The following SINHCAF variants were observed in gnomAD, a reference collection of about 807,000 sequenced individuals.
SINHCAF encodes SIN3-HDAC complex-associated factor.
Under a neutral mutation model 25.8 loss-of-function variants are expected in SINHCAF, and 3 were observed. The ratio of observed to expected loss-of-function variants is 0.12; its 90% CI spans 0.05 to 0.30. The LOEUF (loss-of-function observed/expected upper bound fraction) is 0.30, where lower values mean the gene tolerates loss of function less well. Ranked by LOEUF, SINHCAF falls within the 10% of genes least tolerant of loss-of-function variation. SINHCAF has a pLI of 1.00. For missense variants in SINHCAF, 121 were observed against 262.3 expected, an observed-to-expected ratio of 0.46 and a Z score of 3.72; for synonymous variants, 70 against 85.5, an observed-to-expected ratio of 0.82 and a Z score of 1.00.
chr12:31,324,167 C>T lies in SINHCAF; in HGVS notation c.-21+1857G>A, dbSNP rs1014257849. 3.7e-6 allele frequency: 1 copy of T among 270,820 alleles called. No homozygotes were observed. Among genetic ancestry groups the T allele is most frequent in the Middle Eastern group, 1.4e-3 (1 of 728 alleles). The allele number at this position is 270,820 out of a possible 1,614,324, so 16.8% of individuals were successfully genotyped here. A position where few individuals can be genotyped will look rare whatever the true frequency, so the allele number is the denominator to read the frequency against. On this transcript the variant is annotated intron_variant, in intron 1 of 5. Transcript: ENST00000337682. The surrounding 1 kb of genome is among the most constrained non-coding windows in gnomAD (Gnocchi z 5.5). ...CCTCACCTGCGCCGGAACAACGGGCCCCGCGCCAGCCCGGCCCGGCGCCTC... is the reference window on the plus strand; with the variant it reads ...CCTCACCTGCGCCGGAACAACGGGCTCCGCGCCAGCCCGGCCCGGCGCCTC...
At chr12:31,296,941 G>A (rs142912718) in intron 2 of SINHCAF, 313 of 415,856 alleles carry the variant, frequency 7.5e-4, no homozygotes, top group African/African-American at 5.8e-3. Context: ...AGGCTCAGAC[G>A]GGAGGATCAC....
In SINHCAF at chr12:31,287,762, G is replaced by A; in HGVS notation, c.378C>T (p.Thr126=). Residue 126 remains threonine, a synonymous_variant, in exon 5 of 6, where the codon ACC becomes ACT. Coordinates refer to ENST00000337682, the MANE Select transcript of SINHCAF (RefSeq NM_001135812.2). ...GAGATTGAGCTGGGGAGGCACTTGAGGTGGTACTGTGAGCATCAGAATCTG... is the reference window on the plus strand; with the variant it reads ...GAGATTGAGCTGGGGAGGCACTTGAAGTGGTACTGTGAGCATCAGAATCTG... The part of the protein sequence containing the change: ...KRHNSDAHST[T]SSASPAQSPC... 1.2e-6 allele frequency: 2 copies of A among 1,604,428 alleles called. No individual in the cohort carries two copies. The highest frequency in any genetic ancestry group is 8.5e-7 in the Non-Finnish European group (1 of 1,174,268).
At chr12:31,293,728 C>T in intron 4 of SINHCAF, 77 bp downstream of exon 4, 1 of 1,252,282 alleles carries the variant, frequency 8.0e-7, no homozygotes. Context: ...AAAAATGATC[C>T]ACACATGCCA....
At chr12:31,318,759 T>C (rs768306462) in intron 1 of SINHCAF, among the ~76,000 whole-genome samples, 1 of 152,204 alleles carries the variant, frequency 6.6e-6, no homozygotes, top group Non-Finnish European at 1.5e-5. Flanking sequence ...TTTATTTGCT[T>C]TTAATGGATG....
chr12:31,288,832 A>C (rs1445352124), intron 4 of SINHCAF, among the ~76,000 whole-genome samples: 2 of 152,240 alleles, frequency 1.3e-5, no homozygotes, highest in Non-Finnish European at 2.9e-5. Flanking sequence ...AAGATGACAA[A>C]GACATTAGAA....
rs1452139579 is a variant in SINHCAF at position 31,281,153 on chromosome 12, T to G, written c.*1559A>C. Reference sequence around the variant, plus strand: ...TTGTTATTACAAGGCAGGCAAATGTTTCTCCCTCATTTTGAAAAGACTGAA... The same window carrying G: ...TTGTTATTACAAGGCAGGCAAATGTGTCTCCCTCATTTTGAAAAGACTGAA... On this transcript the variant is annotated 3_prime_UTR_variant, in exon 6 of 6. Transcript: ENST00000337682. 5.3e-5 allele frequency: 8 copies of G among 152,232 alleles called. No homozygotes were observed. The highest frequency in any genetic ancestry group is 1.0e-4 in the Non-Finnish European group (7 of 68,038). 9.4% of individuals were successfully genotyped at this position (152,232 alleles called of 1,614,324 possible).
Position 31,289,057 on chromosome 12 carries a change from C to T in SINHCAF, c.356-1273G>A, listed in dbSNP as rs189676222. On this transcript the variant is annotated intron_variant, in intron 4 of 5. Transcript: ENST00000337682. Reference sequence around the variant, plus strand: ...AAACCACAGTGGATGGGCTGAGCAACATGGAGGGGAGAGAGAAAACAAACA... The same window carrying T: ...AAACCACAGTGGATGGGCTGAGCAATATGGAGGGGAGAGAGAAAACAAACA... 2.4e-3 allele frequency among the ~76,000 whole-genome samples: 358 copies of T among 152,084 alleles called. 1 individual carries two copies. Among genetic ancestry groups the T allele is most frequent in the African/African-American group, 8.2e-3 (341 of 41,472 alleles).
intron 1 of SINHCAF, among the ~76,000 whole-genome samples, chr12:31,320,108 TA>T (rs1167930396): frequency 6.6e-6 from 1 of 152,198 alleles, no homozygotes; most frequent in African/African-American, 2.4e-5. Context: ...CTACATCCTT[TA>T]AACATGTGAT....
rs372619825 is a variant in SINHCAF at position 31,297,312 on chromosome 12, C to T, written c.128+765G>A. ...CTAGGACTACAGGCATGTACCGCCA[C>T]GTCTGGTGAGTTTTTTGTTTGTATT... is the stretch of plus-strand genomic sequence containing the variant. On this transcript the variant is annotated intron_variant, in intron 2 of 5. Transcript: ENST00000337682. Among the ~76,000 whole-genome samples, 422 of 152,060 alleles carry T rather than the reference C, an allele frequency of 2.8e-3. 2 individuals carry two copies. The highest frequency in any genetic ancestry group is 9.3e-3 in the African/African-American group (387 of 41,456).
intron 1 of SINHCAF, among the ~76,000 whole-genome samples, chr12:31,315,062 A>C (rs939010449): frequency 1.1e-4 from 17 of 152,242 alleles, no homozygotes; most frequent in Non-Finnish European, 2.5e-4. Context: ...ACAAAGCTTG[A>C]GGATGCGCAC....
At chr12:31,316,195 C>A (rs1021786972) in intron 1 of SINHCAF, among the ~76,000 whole-genome samples, 1 of 151,440 alleles carries the variant, frequency 6.6e-6, no homozygotes, top group African/African-American at 2.4e-5. Flanking sequence ...AAAAAAAAAC[C>A]ATGCCATAAT....
intron 1 of SINHCAF, among the ~76,000 whole-genome samples, chr12:31,306,309 G>C (rs564009860): frequency 6.6e-6 from 1 of 152,304 alleles, no homozygotes; most frequent in South Asian, 2.1e-4. Context: ...GTTTTGGGTA[G>C]ATGGTACACT....
intron 1 of SINHCAF, chr12:31,303,775 C>T (rs900091821): frequency 1.3e-5 from 2 of 152,162 alleles, no homozygotes; most frequent in African/African-American, 2.4e-5. Flanking sequence ...GATGTGCCTC[C>T]CTCAAACCTT....
Position 31,282,783 on chromosome 12 carries a change from T to C in SINHCAF, c.595A>G (p.Lys199Glu), listed in dbSNP as rs766821699. Residue 199 changes from lysine to glutamate, a missense_variant, in exon 6 of 6, where the codon AAG (lysine) becomes GAG (glutamate). Transcript: ENST00000337682. ...THLFKPCCSNKKAAAEKPEEQ... is the reference protein window; with the variant it reads ...THLFKPCCSNEKAAAEKPEEQ... ...TCTGGCTTCTCAGCAGCTGCTTTCT[T>C]ATTGCTGCAGCAAGGCTTGAAGAGA... 6.2e-7 allele frequency: 1 copy of C among 1,613,396 alleles called. No homozygotes were observed. Among genetic ancestry groups the C allele is most frequent in the Non-Finnish European group, 8.5e-7 (1 of 1,179,600 alleles).
intron 5 of SINHCAF, among the ~76,000 whole-genome samples, chr12:31,283,181 G>GA (rs925604008): frequency 7.3e-5 from 11 of 150,322 alleles, no homozygotes; most frequent in South Asian, 2.1e-4. Flanking sequence ...ACCAACTCTT[G>GA]AAAAAAAAAT....
chr12:31,286,266 C>T (rs1337709111), intron 5 of SINHCAF, among the ~76,000 whole-genome samples: 2 of 152,012 alleles, frequency 1.3e-5, no homozygotes, highest in Non-Finnish European at 2.9e-5. Flanking sequence ...TCCTTCTATT[C>T]CTATTTTGCT....
At chr12:31,301,746 A>T (rs984134413) in intron 1 of SINHCAF, among the ~76,000 whole-genome samples, 15 of 151,926 alleles carry the variant, frequency 9.9e-5, no homozygotes, top group Admixed American at 2.6e-4. Flanking sequence ...TGAAATGTTT[A>T]AAAAAACAAC....
intron 1 of SINHCAF, among the ~76,000 whole-genome samples, chr12:31,306,719 G>T (rs1014811873): frequency 2.6e-5 from 4 of 152,150 alleles, no homozygotes; most frequent in African/African-American, 9.7e-5. Context: ...ATTGCCAAAA[G>T]CGAGATCCAA....
chr12:31,324,797 T>G lies in SINHCAF; in HGVS notation c.-21+1227A>C. On this transcript the variant is annotated intron_variant, in intron 1 of 5. Coordinates refer to ENST00000337682, the MANE Select transcript of SINHCAF (RefSeq NM_001135812.2). This position sits in a 1 kb window ranked among gnomAD's most constrained non-coding sequence, Gnocchi z 5.5. ...AGTCCGGAGCCTGGCCCCCCGACCC[T>G]CCCCTCGGGAGCAGGCCCATTTAAT... is the stretch of plus-strand genomic sequence containing the variant. The G allele has an allele frequency of 5.5e-6, 2 of 361,130 alleles. No individual in the cohort carries two copies. The highest frequency in any genetic ancestry group is 4.0e-5 in the South Asian group (2 of 49,460). 22.4% of individuals were successfully genotyped at this position (361,130 alleles called of 1,614,324 possible).
Sources: gnomAD v4.1 joint callset for allele counts (sites outside exome capture counted in the v4.1 genomes callset) on GRCh38, gnomAD v4.1.1 for gene constraint, Gnocchi (gnomAD v3.1) non-coding constraint, MANE v1.5 for transcripts, NCBI Gene and HGNC (gene_info 2026-07-23, HGNC 2026-07-21) for gene names.